Variants in TNNI3K observed in about 807,000 individuals in gnomAD.
The protein encoded by TNNI3K is serine/threonine-protein kinase TNNI3K.
Under a neutral mutation model 114.5 loss-of-function variants are expected in TNNI3K, and 140 were observed. That is an observed-to-expected ratio of 1.22 (90% CI 1.07 to 1.41). The LOEUF (loss-of-function observed/expected upper bound fraction) is 1.41, where lower values mean the gene tolerates loss of function less well. Ranked by LOEUF, TNNI3K falls within the 40% of genes most tolerant of loss-of-function variation. The pLI is 0.00. For missense variants in TNNI3K, 1,125 were observed against 1,007.6 expected (o/e 1.12, Z -1.58); for synonymous variants, 347 against 347.5 (o/e 1.00, Z 0.02).
At chr1:74,313,247 G>A (rs1250178413) in intron 5 of TNNI3K, among the ~76,000 whole-genome samples, 2 of 152,030 alleles carry the variant, frequency 1.3e-5, no homozygotes, top group East Asian at 1.9e-4. Context: ...CATAACATGC[G>A]ATTTATCTCT....
chr1:74,409,276 C>T (rs994092918), intron 17 of TNNI3K, among the ~76,000 whole-genome samples: 2 of 152,078 alleles, frequency 1.3e-5, no homozygotes, highest in Non-Finnish European at 2.9e-5. Context: ...AGAGCCCAAA[C>T]TCCCCGCTGT....
intron 7 of TNNI3K, among the ~76,000 whole-genome samples, chr1:74,339,647 G>C (rs1254491044): frequency 6.6e-6 from 1 of 152,070 alleles, no homozygotes; most frequent in African/African-American, 2.4e-5. Flanking sequence ...TCTGAAAGCA[G>C]CCTCTTTGGT....
At chr1:74,320,887 G>A (rs1457543571) in intron 5 of TNNI3K, among the ~76,000 whole-genome samples, 2 of 152,118 alleles carry the variant, frequency 1.3e-5, no homozygotes, top group Non-Finnish European at 2.9e-5. Context: ...GAGTTGAGTA[G>A]GGGGGAGGAA....
chr1:74,455,776 C>T (rs1667201880), intron 20 of TNNI3K, among the ~76,000 whole-genome samples: 1 of 152,200 alleles, frequency 6.6e-6, no homozygotes, highest in African/African-American at 2.4e-5. Flanking sequence ...CCTCTGCCTC[C>T]TCATTCTGTT....
rs560357500 is a variant in TNNI3K at position 74,465,285 on chromosome 1, G to A, written c.2121+1735G>A. 6.6e-5 allele frequency among the ~76,000 whole-genome samples: 10 copies of A among 152,316 alleles called. No individual in the cohort carries two copies. In the East Asian group the frequency reaches 1.9e-3, roughly 29 times the overall value. ...GCTTGCGGGGAGGTGTGGAGGGAGA[G>A]GCGCAGGAGGTAACCAGCTGGCGCT... On this transcript the variant is annotated intron_variant, in intron 21 of 24. Transcript: ENST00000326637.
At chr1:74,335,221 G>A (rs1299536115) in intron 6 of TNNI3K, among the ~76,000 whole-genome samples, 3 of 152,056 alleles carry the variant, frequency 2.0e-5, no homozygotes, top group Admixed American at 6.6e-5. Context: ...GAAAAAACTT[G>A]GGTATAGATA....
intron 17 of TNNI3K, among the ~76,000 whole-genome samples, chr1:74,385,428 C>T (rs960129130): frequency 1.3e-5 from 2 of 152,014 alleles, no homozygotes; most frequent in African/African-American, 4.8e-5. Flanking sequence ...GTGGTAAATA[C>T]AAAAATGTGA....
At chr1:74,488,172 C>G (rs1004939262) in intron 21 of TNNI3K, among the ~76,000 whole-genome samples, 1 of 152,102 alleles carries the variant, frequency 6.6e-6, no homozygotes, top group African/African-American at 2.4e-5. Flanking sequence ...GGTGGTATAG[C>G]CTGACAAGCT....
intron 4 of TNNI3K, among the ~76,000 whole-genome samples, chr1:74,259,645 C>A (rs1227725922): frequency 2.0e-5 from 3 of 151,984 alleles, no homozygotes; most frequent in Non-Finnish European, 4.4e-5. Context: ...TGGTGGTGTG[C>A]GCCTATAGTC....
intron 5 of TNNI3K, among the ~76,000 whole-genome samples, chr1:74,289,140 C>T (rs1657510560): frequency 6.6e-6 from 1 of 151,810 alleles, no homozygotes. Flanking sequence ...CTAAATTAGT[C>T]AAAGTGCTTA....
intron 17 of TNNI3K, among the ~76,000 whole-genome samples, chr1:74,383,695 T>C (rs1040354552): frequency 3.3e-5 from 5 of 152,126 alleles, no homozygotes; most frequent in African/African-American, 1.2e-4. Flanking sequence ...GTACAATGAC[T>C]GGGGCCTAAT....
chr1:74,342,341 T>C (rs1440416893), intron 7 of TNNI3K, among the ~76,000 whole-genome samples: 1 of 152,134 alleles, frequency 6.6e-6, no homozygotes, highest in Non-Finnish European at 1.5e-5. Context: ...TTGCATACTG[T>C]AGTATGGCAA....
Position 74,464,913 on chromosome 1 carries a change from A to G in TNNI3K, c.2121+1363A>G. 7 of 1,285,780 alleles carry G rather than the reference A, an allele frequency of 5.4e-6. 1 individual carries two copies. Among genetic ancestry groups the G allele is most frequent in the South Asian group, 5.9e-5 (2 of 33,970 alleles). The allele number at this position is 1,285,780 out of a possible 1,614,324, so 79.6% of individuals were successfully genotyped here. A position where few individuals can be genotyped will look rare whatever the true frequency, so the allele number is the denominator to read the frequency against. ...TTAAGAATGTTTGTTGAGTAAATGA[A>G]TGAATACCAGTATTGCCTATCAGTG... On this transcript the variant is annotated intron_variant, in intron 21 of 24. Coordinates refer to ENST00000326637, the MANE Select transcript of TNNI3K (RefSeq NM_015978.3).
rs113602741 is a variant in TNNI3K at position 74,543,788 on chromosome 1, T to C, written c.2432-118T>C. The C allele has an allele frequency of 2.2e-3, 2,449 of 1,114,204 alleles. 38 individuals carry two copies. In the African/African-American group the frequency reaches 0.028, roughly 13 times the overall value. The allele number at this position is 1,114,204 out of a possible 1,614,324, so 69.0% of individuals were successfully genotyped here. A position where few individuals can be genotyped will look rare whatever the true frequency, so the allele number is the denominator to read the frequency against. On this transcript the variant is annotated intron_variant, in intron 24 of 24. Coordinates refer to ENST00000326637, the MANE Select transcript of TNNI3K (RefSeq NM_015978.3). ...TTTGCAACTACTCACCAGCAACCGTTGTCCAGATTGTCTGTTCACATGATC... is the reference window on the plus strand; with the variant it reads ...TTTGCAACTACTCACCAGCAACCGTCGTCCAGATTGTCTGTTCACATGATC...
chr1:74,267,969 A>C (rs1177927082), intron 4 of TNNI3K, among the ~76,000 whole-genome samples: 1 of 151,968 alleles, frequency 6.6e-6, no homozygotes, highest in Non-Finnish European at 1.5e-5. Flanking sequence ...ATTTACATAA[A>C]ATTTATTTTA....
At chr1:74,315,403 G>A (rs566261819) in intron 5 of TNNI3K, among the ~76,000 whole-genome samples, 1 of 152,190 alleles carries the variant, frequency 6.6e-6, no homozygotes, top group Admixed American at 6.5e-5. Flanking sequence ...GCAGTAAAAT[G>A]TATTATTATT....
At chr1:74,243,065 A>G (rs1654346328) in intron 2 of TNNI3K, among the ~76,000 whole-genome samples, 1 of 152,218 alleles carries the variant, frequency 6.6e-6, no homozygotes, top group South Asian at 2.1e-4. Context: ...AATAACTATT[A>G]TAGCAGCTAA....
intron 20 of TNNI3K, among the ~76,000 whole-genome samples, chr1:74,446,787 T>A (rs1372482334): frequency 6.8e-6 from 1 of 147,806 alleles, no homozygotes; most frequent in Non-Finnish European, 1.5e-5. Flanking sequence ...GCACCATTTA[T>A]TAAATAGGGA....
intron 17 of TNNI3K, among the ~76,000 whole-genome samples, chr1:74,425,211 C>T (rs1001534820): frequency 2.0e-5 from 3 of 152,092 alleles, no homozygotes; most frequent in African/African-American, 4.8e-5. Flanking sequence ...GTTTATTCAG[C>T]TCATTTCCTC....
Sources: allele counts gnomAD v4.1 joint callset (sites outside exome capture counted in the v4.1 genomes callset), GRCh38; gene constraint gnomAD v4.1.1; transcripts MANE v1.5; gene names NCBI Gene and HGNC (gene_info 2026-07-23, HGNC 2026-07-21).